The following TUBB8B variants were observed in gnomAD, a reference collection of about 807,000 sequenced individuals.
TUBB8B encodes the protein HSA18p11 beta-tubulin 4Q pseudogene.
Under a neutral mutation model 31.9 loss-of-function variants are expected in TUBB8B, and 26 were observed. The observed-to-expected ratio is 0.81, with a 90% confidence interval of 0.60 to 1.13. TUBB8B has a LOEUF of 1.13. Among genes scored for constraint, TUBB8B ranks in the 50% most tolerant of loss-of-function variants. The pLI, the probability that TUBB8B is intolerant of heterozygous loss-of-function variation, is 0.00. For synonymous variants in TUBB8B, 173 were observed against 231.0 expected, an observed-to-expected ratio of 0.75 and a Z score of 2.28; for missense variants, 467 against 586.7, an observed-to-expected ratio of 0.80 and a Z score of 2.11.
upstream of TUBB8B, among the ~76,000 whole-genome samples, chr18:51,225 TC>T (rs1463398753): frequency 1.3e-5 from 2 of 151,922 alleles, no homozygotes; most frequent in African/African-American, 4.8e-5. Context: ...GTCAAGGGGC[TC>T]ATCTCTCTTA....
chr18:52,772 G>A (rs527943018), upstream of TUBB8B, among the ~76,000 whole-genome samples: 457 of 152,006 alleles, frequency 3.0e-3, 1 homozygote, highest in African/African-American at 0.011. Flanking sequence ...AGAGAGCAAA[G>A]TGAACGAAGC....
At chr18:63,648 C>G in the TUBB8B span, among the ~76,000 whole-genome samples, 1 of 149,264 alleles carries the variant, frequency 6.7e-6, no homozygotes, top group Non-Finnish European at 1.5e-5. Context: ...ACCCCAAACC[C>G]TAACCCTAGC....
chr18:63,234 G>A, the TUBB8B span, among the ~76,000 whole-genome samples: 1 of 151,136 alleles, frequency 6.6e-6, no homozygotes, highest in South Asian at 2.1e-4. Context: ...AGTCTTTATT[G>A]TAGTCTTCAC....
upstream of TUBB8B, chr18:50,220 C>T (rs374037622): frequency 5.0e-5 from 10 of 201,312 alleles, no homozygotes; most frequent in South Asian, 2.5e-4. Flanking sequence ...TGTTGGGTTA[C>T]GCCTGCTGTG....
upstream of TUBB8B, among the ~76,000 whole-genome samples, chr18:51,159 C>T (rs959621072): frequency 1.3e-5 from 2 of 151,930 alleles, no homozygotes; most frequent in African/African-American, 4.8e-5. Flanking sequence ...TCTAGCCCTC[C>T]TGTTTTCCTG....
the TUBB8B span, among the ~76,000 whole-genome samples, chr18:67,003 T>TTG: frequency 8.6e-5 from 13 of 151,526 alleles, no homozygotes; most frequent in Admixed American, 2.0e-4. Context: ...TTTGTTTTTT[T>TTG]TTTTTTTCCA....
At chr18:73,515 T>C in the TUBB8B span, 1 of 153,334 alleles carries the variant, frequency 6.5e-6, no homozygotes, top group African/African-American at 2.4e-5. Flanking sequence ...TCGGACACGG[T>C]TCGCGCGCGC....
At position 47,606 on chromosome 18, in the gene TUBB8B, G is replaced by T. The variant is rs1488075143; in HGVS notation, c.1119C>A (p.Ala373=). The change falls in exon 4 of 4, where the codon GCC becomes GCA. Residue 373 remains alanine, a synonymous_variant. Transcript: ENST00000308911. ...MSATFIGNNA[A]IQELFTCVSE... is the part of the protein sequence containing the mutation. ...AGACACATGTGAAGAGTTCCTGGAT[G>T]GCCGCATTATTCCCAATGAAGGTGG... The T allele has an allele frequency of 6.2e-7, 1 of 1,612,500 alleles. No individual in the cohort carries two copies. The highest frequency in any genetic ancestry group is 8.5e-7 in the Non-Finnish European group (1 of 1,179,190).
chr18:62,378 G>A, the TUBB8B span, among the ~76,000 whole-genome samples: 1 of 149,922 alleles, frequency 6.7e-6, no homozygotes, highest in Non-Finnish European at 1.5e-5. Flanking sequence ...GATATCAAAT[G>A]TTGGGGAATT....
chr18:63,888 C>A, the TUBB8B span, among the ~76,000 whole-genome samples: 1 of 151,026 alleles, frequency 6.6e-6, no homozygotes, highest in East Asian at 2.0e-4. Flanking sequence ...TAGCCCTAAC[C>A]CTAACCCTAC....
At chr18:73,296 G>T in the TUBB8B span, 1 of 165,250 alleles carries the variant, frequency 6.1e-6, no homozygotes. Flanking sequence ...GCGCGGGCAG[G>T]AAGCCTTTTC....
intron 1 of TUBB8B, 81 bp downstream of exon 1, chr18:49,420 G>A (rs1265193827): frequency 6.8e-6 from 6 of 887,572 alleles, no homozygotes; most frequent in African/African-American, 3.3e-5. Context: ...GCAATGCAGG[G>A]GCACCGCTCC....
upstream of TUBB8B, among the ~76,000 whole-genome samples, chr18:52,075 C>G (rs1427535027): frequency 3.3e-5 from 5 of 151,908 alleles, no homozygotes; most frequent in African/African-American, 9.6e-5. Context: ...TTATCCACTG[C>G]TGCCCTTTAG....
At chr18:61,920 C>A in the TUBB8B span, among the ~76,000 whole-genome samples, 1 of 151,756 alleles carries the variant, frequency 6.6e-6, no homozygotes, top group South Asian at 2.1e-4. Context: ...TTTCCATGTG[C>A]TATTACTACT....
chr18:68,082 C>G, the TUBB8B span, among the ~76,000 whole-genome samples: 3 of 152,290 alleles, frequency 2.0e-5, no homozygotes, highest in South Asian at 6.2e-4. Flanking sequence ...ACAGCTTACA[C>G]TGACCTGAAT....
At chr18:57,211 C>A in the TUBB8B span, among the ~76,000 whole-genome samples, 1 of 151,848 alleles carries the variant, frequency 6.6e-6, no homozygotes, top group East Asian at 1.9e-4. Flanking sequence ...AAAGTCTTCA[C>A]TCATTTCAGC....
chr18:65,627 TC>T, the TUBB8B span, among the ~76,000 whole-genome samples: 6 of 152,160 alleles, frequency 3.9e-5, no homozygotes, highest in Non-Finnish European at 8.8e-5. Flanking sequence ...AGTGCTTTAC[TC>T]CTAAGATCAG....
chr18:48,383 C>T lies in TUBB8B; in HGVS notation c.342G>A (p.Glu114=). 1 of 1,612,726 alleles carries T rather than the reference C, an allele frequency of 6.2e-7. No individual in the cohort carries two copies. Among genetic ancestry groups the T allele is most frequent in the Admixed American group, 1.7e-5 (1 of 60,022 alleles). Residue 114 remains glutamate, a synonymous_variant, in exon 4 of 4, where the codon GAG becomes GAA. Transcript: ENST00000308911. ...CCTTTCTGACAACGTCCATCACTGA[C>T]TCCGTCAGCTCCGCGCCTTCTGTGT... ...GRYTEGAELT[E]SVMDVVRKEA...
Position 48,101 on chromosome 18 carries a change from A to AT in TUBB8B, c.623dup (p.Tyr208Ter). ...GTTTTAGGGTCCTGGAACATATGTC[A>AT]TATAGCGCTTCGTTATCTATGCAGA... ...ETFCIDNEALYDICSRTLKLP... is the reference protein window; with the variant it reads ...ETFCIDNEAL Residue 208 changes from tyrosine to a stop codon, truncating the protein, a stop_gained and frameshift_variant, in exon 4 of 4, where the codon TAT (tyrosine) becomes TAAT (stop). Coordinates refer to ENST00000308911, the MANE Select transcript of TUBB8B (RefSeq NM_001358689.2). LOFTEE classifies it high-confidence loss of function. 1 of 1,614,006 alleles carries AT rather than the reference A, an allele frequency of 6.2e-7. No homozygotes were observed.
Sources: allele counts gnomAD v4.1 joint callset (sites outside exome capture counted in the v4.1 genomes callset), GRCh38; gene constraint gnomAD v4.1.1; transcripts MANE v1.5; gene names NCBI Gene and HGNC (gene_info 2026-07-23, HGNC 2026-07-21).